PLEKHA5: variants seen among roughly 807,000 people sequenced by gnomAD.
PLEKHA5 encodes pleckstrin homology domain-containing family A member 5.
In PLEKHA5, 55 loss-of-function variants were observed where a neutral mutation model predicts 181.9. That is an observed-to-expected ratio of 0.30 (90% CI 0.24 to 0.38). PLEKHA5 has a LOEUF of 0.38. Among genes scored for constraint, PLEKHA5 ranks in the 10% least tolerant of loss-of-function variants. PLEKHA5 has a pLI of 1.00. For missense variants in PLEKHA5, 1,432 were observed against 1,549.5 expected (o/e 0.92, Z 1.27); for synonymous variants, 535 against 529.4 (o/e 1.01, Z -0.15).
chr12:19,373,314 G>C (rs1018039240), intron 31 of PLEKHA5: 3 of 150,806 alleles, frequency 2.0e-5, no homozygotes, highest in Non-Finnish European at 2.9e-5. Flanking sequence ...CTGGGAGGCA[G>C]AGGTTGCAGT....
intron 5 of PLEKHA5, among the ~76,000 whole-genome samples, chr12:19,257,187 C>G (rs2152565054): frequency 6.6e-6 from 1 of 152,164 alleles, no homozygotes; most frequent in East Asian, 1.9e-4. Context: ...AATTGTATAT[C>G]CTATCCAGAT....
At chr12:19,249,288 G>A (rs1377611655) in intron 3 of PLEKHA5, among the ~76,000 whole-genome samples, 1 of 152,148 alleles carries the variant, frequency 6.6e-6, no homozygotes, top group East Asian at 1.9e-4. Context: ...ATTAAGTAAA[G>A]TAAAGGTTGT....
At chr12:19,321,039 C>T (rs987546618) in intron 18 of PLEKHA5, among the ~76,000 whole-genome samples, 3 of 151,776 alleles carry the variant, frequency 2.0e-5, no homozygotes, top group African/African-American at 7.3e-5. Context: ...TGGTGGTACA[C>T]GCTTGTAATC....
intron 7 of PLEKHA5, 130 bp from the exon 8 acceptor site, chr12:19,265,620 A>G: frequency 1.7e-6 from 1 of 592,734 alleles, no homozygotes; most frequent in Non-Finnish European, 3.0e-6. Flanking sequence ...AAACCTTATA[A>G]AGGCCTGCCT....
At chr12:19,142,485 A>G (rs1591793897) in intron 3 of PLEKHA5, among the ~76,000 whole-genome samples, 1 of 152,222 alleles carries the variant, frequency 6.6e-6, no homozygotes, top group African/African-American at 2.4e-5. Context: ...ATACAAAGAA[A>G]TTATATAACA....
In PLEKHA5 at chr12:19,322,654, C is replaced by T; in HGVS notation, c.2435C>T (p.Ser812Phe). The stretch of plus-strand genomic sequence containing the variant: ...CTGCTTAGTACGTGTCGAGAACTTT[C>T]TCGAGCCACTGCCGTAAGTAGATTT... ...NGLLSTCRELSRATAELERAW... is the reference protein window; with the variant it reads ...NGLLSTCRELFRATAELERAW... Residue 812 changes from serine to phenylalanine, a missense_variant, in exon 20 of 32, where the codon TCT becomes TTT. Ser to Phe is a radical substitution (Grantham distance 155). Transcript: ENST00000429027. 1 of 1,611,656 alleles carries T rather than the reference C, an allele frequency of 6.2e-7. No homozygotes were observed. Among genetic ancestry groups the T allele is most frequent in the Non-Finnish European group, 8.5e-7 (1 of 1,179,002 alleles).
intron 3 of PLEKHA5, among the ~76,000 whole-genome samples, chr12:19,157,554 G>T (rs575980754): frequency 1.3e-5 from 2 of 151,792 alleles, no homozygotes; most frequent in South Asian, 4.2e-4. Flanking sequence ...CACTTGTTTT[G>T]TGTATTATCT....
In PLEKHA5 at chr12:19,257,485, T is replaced by C; in HGVS notation, c.485T>C (p.Ile162Thr). Residue 162 changes from isoleucine to threonine, a missense_variant, in exon 6 of 32, where the codon ATT becomes ACT. Ile to Thr is a moderately conservative substitution (Grantham distance 89). Around this residue, in one of 2 missense-constraint regions of PLEKHA5, gnomAD observed 289 missense variants for 381.1 expected, o/e 0.76. Coordinates refer to ENST00000429027, the MANE Select transcript of PLEKHA5 (RefSeq NM_001256470.2). ...VHNFGKRSNSIKRNPNAPVVR... is the reference protein window; with the variant it reads ...VHNFGKRSNSTKRNPNAPVVR... ...AATTTTGGAAAGAGGTCAAATTCAA[T>C]TAAAAGGAATCCTAATGCACCGGTT... 6.2e-7 allele frequency: 1 copy of C among 1,609,856 alleles called. No individual in the cohort carries two copies. The highest frequency in any genetic ancestry group is 8.5e-7 in the Non-Finnish European group (1 of 1,177,554).
intron 3 of PLEKHA5, chr12:19,201,951 A>C: frequency 1.6e-6 from 1 of 636,358 alleles, no homozygotes; most frequent in Non-Finnish European, 2.0e-6. Context: ...GGTGGGTTTA[A>C]TGAAATGTGA....
intron 3 of PLEKHA5, among the ~76,000 whole-genome samples, chr12:19,166,087 G>T (rs2044301926): frequency 1.3e-5 from 1 of 76,924 alleles, no homozygotes; most frequent in Admixed American, 1.2e-4. Context: ...GCAGAGTTGG[G>T]ATCTGGCTCC....
At chr12:19,216,484 G>A (rs555677128) in intron 3 of PLEKHA5, among the ~76,000 whole-genome samples, 19 of 152,116 alleles carry the variant, frequency 1.2e-4, no homozygotes, top group African/African-American at 2.4e-4. Context: ...CCAACATGCC[G>A]AAACCCCATC....
At chr12:19,354,405 G>A (rs1268512959) in intron 26 of PLEKHA5, among the ~76,000 whole-genome samples, 2 of 147,566 alleles carry the variant, frequency 1.4e-5, no homozygotes, top group East Asian at 2.0e-4. Flanking sequence ...TGCCCACCTC[G>A]GCCTCCCAAA....
intron 3 of PLEKHA5, among the ~76,000 whole-genome samples, chr12:19,194,933 G>A (rs1372073965): frequency 2.0e-5 from 3 of 152,198 alleles, no homozygotes; most frequent in East Asian, 1.9e-4. Flanking sequence ...TCAAATTATA[G>A]GTAAAGCTGT....
rs568214507 is a variant in PLEKHA5, at chr12:19,364,707, G to T, written c.3609-1257G>T. On this transcript the variant is annotated intron_variant, in intron 29 of 31. Transcript: ENST00000429027. ...GACGGGATCTCACTCTGTCGCCCAG[G>T]CTGGCGTGCAGTGGCGCAATCTTGG... 2.0e-5 allele frequency among the ~76,000 whole-genome samples: 3 copies of T among 151,784 alleles called. No homozygotes were observed. In the East Asian group the frequency reaches 6.0e-4, roughly 30 times the overall value.
intron 3 of PLEKHA5, among the ~76,000 whole-genome samples, chr12:19,240,628 A>AATT (rs199758964): frequency 6.7e-5 from 10 of 149,186 alleles, no homozygotes; most frequent in East Asian, 2.0e-4. Context: ...TATTATTATT[A>AATT]ATTATTATTA....
intron 3 of PLEKHA5, among the ~76,000 whole-genome samples, chr12:19,156,825 A>T (rs1001931769): frequency 7.9e-5 from 12 of 151,400 alleles, no homozygotes; most frequent in African/African-American, 2.9e-4. Flanking sequence ...CAGGTGGGTC[A>T]CTTGAGATCA....
chr12:19,194,576 AT>A (rs1204349847), intron 3 of PLEKHA5, among the ~76,000 whole-genome samples: 1 of 152,182 alleles, frequency 6.6e-6, no homozygotes, highest in Non-Finnish European at 1.5e-5. Context: ...ATTTTTTTAA[AT>A]ATGAAAGAAT....
At chr12:19,256,006 G>A (rs1211158028) in intron 5 of PLEKHA5, among the ~76,000 whole-genome samples, 2 of 151,540 alleles carry the variant, frequency 1.3e-5, no homozygotes, top group East Asian at 3.8e-4. Context: ...TCCATGCAGA[G>A]TATCTGTAAT....
At chr12:19,344,643 C>G (rs532354218) in intron 22 of PLEKHA5, among the ~76,000 whole-genome samples, 1 of 152,104 alleles carries the variant, frequency 6.6e-6, no homozygotes, top group Admixed American at 6.6e-5. Context: ...TGGATAACTG[C>G]GGCCAAAATG....
Sources: gnomAD v4.1 joint callset for allele counts (sites outside exome capture counted in the v4.1 genomes callset) on GRCh38, gnomAD v4.1.1 for gene constraint, gnomAD v4.1.1 regional missense constraint, MANE v1.5 for transcripts, NCBI Gene and HGNC (gene_info 2026-07-23, HGNC 2026-07-21) for gene names.